Variants in ENOX2 observed in about 807,000 individuals in gnomAD.
ENOX2 encodes the protein ecto-NOX disulfide-thiol exchanger 2.
ENOX2 carries 36 observed loss-of-function variants against 45.0 expected under a neutral mutation model. The ratio of observed to expected loss-of-function variants is 0.80; its 90% CI spans 0.61 to 1.06. ENOX2 has a LOEUF of 1.06. ENOX2 is among the 50% of genes least tolerant of loss of function. The pLI is 0.00. For synonymous variants in ENOX2, 174 were observed against 152.3 expected (o/e 1.14, Z -1.05); for missense variants, 423 against 462.5 (o/e 0.91, Z 0.78).
intron 2 of ENOX2, among the ~76,000 whole-genome samples, chrX:130,856,737 T>C (rs941049296): frequency 8.9e-6 from 1 of 112,013 alleles, no homozygotes; most frequent in Admixed American, 9.5e-5. Flanking sequence ...TTCTTCATGA[T>C]AGACTCTATT....
chrX:130,694,234 T>C (rs1192074263), intron 4 of ENOX2, among the ~76,000 whole-genome samples: 1 of 112,317 alleles, frequency 8.9e-6, no homozygotes, highest in Non-Finnish European at 1.9e-5. Flanking sequence ...TGGAATGTGA[T>C]TGGTTAATAG....
chrX:130,681,842 A>G (rs2037310190), intron 5 of ENOX2, among the ~76,000 whole-genome samples: 1 of 111,484 alleles, frequency 9.0e-6, no homozygotes, highest in Non-Finnish European at 1.9e-5. Context: ...GGGACTTTCT[A>G]AAGTCCTACC....
intron 9 of ENOX2, among the ~76,000 whole-genome samples, chrX:130,663,163 A>G (rs1306879167): frequency 8.9e-6 from 1 of 112,584 alleles, no homozygotes; most frequent in Non-Finnish European, 1.9e-5. Flanking sequence ...TTACTTTTGT[A>G]TCAACCTAAT....
intron 10 of ENOX2, among the ~76,000 whole-genome samples, chrX:130,643,053 G>A (rs966487844): frequency 2.7e-5 from 3 of 111,234 alleles, no homozygotes; most frequent in African/African-American, 9.8e-5. Context: ...AAATGGAAGG[G>A]GAGAATCAGG....
At chrX:130,839,806 T>C (rs1278066023) in intron 2 of ENOX2, among the ~76,000 whole-genome samples, 3 of 112,078 alleles carry the variant, frequency 2.7e-5, no homozygotes, top group African/African-American at 9.7e-5. Context: ...CTGAGAACTA[T>C]ATTGCCCATG....
At position 130,805,026 on chromosome X, in the gene ENOX2, T is replaced by C. The variant is rs766465084; in HGVS notation, c.-182-21336A>G. ...TATGAAAGGGGCCTGAGGGAGTTTG[T>C]CCCTTCCACCATATGAGGACACATA... is the stretch of plus-strand genomic sequence containing the variant. On this transcript the variant is annotated intron_variant, in intron 2 of 14. Transcript: ENST00000394363. Among the ~76,000 whole-genome samples, 73 of 111,502 alleles carry C rather than the reference T, an allele frequency of 6.5e-4. 2 individuals carry two copies. In the Admixed American group the frequency reaches 6.9e-3, roughly 11 times the overall value.
chrX:130,700,715 G>A (rs1038738370), intron 4 of ENOX2, among the ~76,000 whole-genome samples: 8 of 111,870 alleles, frequency 7.2e-5, no homozygotes, highest in African/African-American at 2.3e-4. Flanking sequence ...TTATTATATG[G>A]TAAGCAGTGT....
chrX:130,897,113 T>C (rs1300829261), intron 2 of ENOX2, among the ~76,000 whole-genome samples: 1 of 112,046 alleles, frequency 8.9e-6, no homozygotes, highest in East Asian at 2.8e-4. Flanking sequence ...GACACATTGT[T>C]TCTTGTACAT....
intron 3 of ENOX2, among the ~76,000 whole-genome samples, chrX:130,716,928 A>G (rs189227501): frequency 1.8e-5 from 2 of 111,638 alleles, no homozygotes; most frequent in East Asian, 2.8e-4. Flanking sequence ...CCTTTAATCT[A>G]TTTGTGTGGT....
At chrX:130,788,564 T>C in intron 2 of ENOX2, among the ~76,000 whole-genome samples, 1 of 111,693 alleles carries the variant, frequency 9.0e-6, no homozygotes. Context: ...AAACAGCTTC[T>C]TGCTTATCTT....
intron 3 of ENOX2, among the ~76,000 whole-genome samples, chrX:130,759,153 T>C (rs1323859136): frequency 4.5e-5 from 5 of 111,518 alleles, no homozygotes; most frequent in Non-Finnish European, 9.4e-5. Context: ...AATTTTCTTC[T>C]ATTTTTTTCT....
intron 2 of ENOX2, among the ~76,000 whole-genome samples, chrX:130,839,935 A>G (rs1185563038): frequency 9.0e-6 from 1 of 111,469 alleles, no homozygotes; most frequent in Non-Finnish European, 1.9e-5. Flanking sequence ...TGCATGTAAA[A>G]CTATCGGTTT....
At chrX:130,817,617 C>T (rs2077513270) in intron 2 of ENOX2, among the ~76,000 whole-genome samples, 1 of 112,089 alleles carries the variant, frequency 8.9e-6, no homozygotes, top group Admixed American at 9.4e-5. Context: ...ATTCAATACA[C>T]GCAAATCAAT....
Position 130,657,701 on chromosome X carries a change from A to G in ENOX2, c.1015-1006T>C, listed in dbSNP as rs1457798429. ...CCAACTAAGTAAATTGACCGTTACG[A>G]CAAACGAAAACAAAGTCAACATTCT... On this transcript the variant is annotated intron_variant, in intron 9 of 14. Transcript: ENST00000394363. Among the ~76,000 whole-genome samples the G allele has an allele frequency of 3.6e-5, 4 of 112,386 alleles. No homozygotes were observed. In the East Asian group the frequency reaches 1.1e-3, roughly 31 times the overall value.
Position 130,688,894 on chromosome X carries a change from A to G in ENOX2, c.222T>C (p.Cys74=), listed in dbSNP as rs748077843. The G allele has an allele frequency of 1.7e-5, 20 of 1,199,649 alleles. No individual in the cohort carries two copies. Among genetic ancestry groups the G allele is most frequent in the Middle Eastern group, 2.3e-4 (1 of 4,340 alleles). The change falls in exon 5 of 15, where the codon TGT becomes TGC. Residue 74 remains cysteine, a synonymous_variant. Transcript: ENST00000394363. ...TTGGAGGGAAGAGCGTGCAGCTTTT[A>G]CAGTGTATGATCTCTTTTACTACTG... ...DMPVVKEIIH[C]KSCTLFPPNP...
chrX:130,740,017 G>A (rs192692718), intron 3 of ENOX2, among the ~76,000 whole-genome samples: 49 of 111,954 alleles, frequency 4.4e-4, no homozygotes, highest in Admixed American at 9.5e-4. Context: ...CTAGAGTCAA[G>A]GCAAATATTT....
intron 2 of ENOX2, among the ~76,000 whole-genome samples, chrX:130,895,191 C>A (rs757430826): frequency 8.9e-6 from 1 of 111,817 alleles, no homozygotes; most frequent in South Asian, 3.8e-4. Context: ...TATATATGCT[C>A]AAATGTCTAT....
At position 130,848,096 on chromosome X, in the gene ENOX2, G is replaced by A. The variant is rs186554912; in HGVS notation, c.-183+53588C>T. Among the ~76,000 whole-genome samples the A allele has an allele frequency of 5.1e-3, 571 of 111,512 alleles. 2 individuals are homozygous for A. The highest frequency in any genetic ancestry group is 0.017 in the African/African-American group (537 of 30,700). ...CGCCCAGGCTGGAGTGCAGTGGCGC[G>A]ATCTCGGCTCACTGCACAAACCCCT... On this transcript the variant is annotated intron_variant, in intron 2 of 14. Coordinates refer to ENST00000394363, the MANE Select transcript of ENOX2 (RefSeq NM_006375.4).
intron 3 of ENOX2, among the ~76,000 whole-genome samples, chrX:130,743,423 A>C (rs1480112559): frequency 1.8e-5 from 2 of 110,861 alleles, no homozygotes; most frequent in African/African-American, 6.6e-5. Context: ...ACATCACTAG[A>C]GGCTTGAAGT....
Sources: allele counts gnomAD v4.1 joint callset (sites outside exome capture counted in the v4.1 genomes callset), GRCh38; gene constraint gnomAD v4.1.1; transcripts MANE v1.5; gene names NCBI Gene and HGNC (gene_info 2026-07-23, HGNC 2026-07-21).